CDH19: variants seen among roughly 807,000 people sequenced by gnomAD.
The protein encoded by CDH19 is cadherin-19.
CDH19 carries 67 observed loss-of-function variants against 64.2 expected under a neutral mutation model. The ratio of observed to expected loss-of-function variants is 1.04; its 90% CI spans 0.86 to 1.28. The LOEUF (loss-of-function observed/expected upper bound fraction) is 1.28. CDH19 is among the 50% of genes most tolerant of loss of function. The pLI, the probability that CDH19 is intolerant of heterozygous loss-of-function variation, is 0.00. For missense variants in CDH19, 1,030 were observed against 929.0 expected (o/e 1.11, Z -1.41); for synonymous variants, 346 against 319.3 (o/e 1.08, Z -0.89).
intron 7 of CDH19, among the ~76,000 whole-genome samples, chr18:66,541,731 G>T (rs527503686): frequency 6.6e-6 from 1 of 152,144 alleles, no homozygotes; most frequent in South Asian, 2.1e-4. Flanking sequence ...TCATTAAAAC[G>T]TGTTTTTTGA....
chr18:66,585,447 T>C (rs536767336), intron 1 of CDH19, among the ~76,000 whole-genome samples: 1 of 152,032 alleles, frequency 6.6e-6, no homozygotes, highest in African/African-American at 2.4e-5. Context: ...TTCCATCACC[T>C]TGGACGAATA....
intron 7 of CDH19, among the ~76,000 whole-genome samples, chr18:66,535,725 T>C (rs1262610097): frequency 6.8e-6 from 1 of 147,146 alleles, no homozygotes. Context: ...TTGTAATATT[T>C]AATACATATA....
At chr18:66,580,928 C>T (rs1268170838) in intron 1 of CDH19, among the ~76,000 whole-genome samples, 1 of 152,040 alleles carries the variant, frequency 6.6e-6, no homozygotes, top group African/African-American at 2.4e-5. Flanking sequence ...TGATTGAAGA[C>T]TGGTGGCAGC....
intron 9 of CDH19, among the ~76,000 whole-genome samples, chr18:66,525,469 A>T (rs556647828): frequency 6.6e-6 from 1 of 152,196 alleles, no homozygotes; most frequent in African/African-American, 2.4e-5. Flanking sequence ...TTTGGGAGGC[A>T]TATATTAATG....
chr18:66,559,157 G>A (rs1163629327), intron 3 of CDH19, among the ~76,000 whole-genome samples: 2 of 151,830 alleles, frequency 1.3e-5, no homozygotes, highest in African/African-American at 2.4e-5. Context: ...GGCCATATCT[G>A]TAACCTCTTG....
chr18:66,553,629 G>T (rs1375824052), intron 4 of CDH19, among the ~76,000 whole-genome samples: 1 of 132,988 alleles, frequency 7.5e-6, no homozygotes, highest in Non-Finnish European at 1.5e-5. Flanking sequence ...TTACTTCTTT[G>T]GCACTTCTCA....
At chr18:66,506,896 T>C (rs549422403) in intron 11 of CDH19, among the ~76,000 whole-genome samples, 2 of 152,090 alleles carry the variant, frequency 1.3e-5, no homozygotes, top group Admixed American at 1.3e-4. Context: ...TTTGCATTCA[T>C]GTATTGCACT....
At chr18:66,592,975 C>A (rs1988785544) in intron 1 of CDH19, among the ~76,000 whole-genome samples, 1 of 151,686 alleles carries the variant, frequency 6.6e-6, no homozygotes, top group Non-Finnish European at 1.5e-5. Flanking sequence ...TTTGGAGAAA[C>A]CTTCATACTG....
Position 66,524,564 on chromosome 18 carries a change from AT to A in CDH19, c.1458+5280del, listed in dbSNP as rs1568177996. ...TGTGTATATATATATATATATATAT[AT>A]ATATAAACATCATCATGCACCATAA... On this transcript the variant is annotated intron_variant, in intron 9 of 11. Transcript: ENST00000262150. Among the ~76,000 whole-genome samples, 95 of 142,946 alleles carry A rather than the reference AT, an allele frequency of 6.6e-4. 3 individuals carry two copies. Among genetic ancestry groups the A allele is most frequent in the Middle Eastern group, 7.5e-3 (2 of 266 alleles). 93.8% of individuals were successfully genotyped at this position (142,946 alleles called of 152,430 possible).
chr18:66,589,924 T>G (rs1197318516), intron 1 of CDH19, among the ~76,000 whole-genome samples: 5 of 151,956 alleles, frequency 3.3e-5, no homozygotes, highest in South Asian at 2.1e-4. Context: ...TATTTGACAA[T>G]AGCAGTAATT....
intron 9 of CDH19, among the ~76,000 whole-genome samples, chr18:66,517,005 T>G (rs559359153): frequency 6.6e-6 from 1 of 152,216 alleles, no homozygotes; most frequent in South Asian, 2.1e-4. Flanking sequence ...ATAATAATTT[T>G]CCTAGGGATA....
chr18:66,521,229 G>GAATTTCCC (rs1187855736), intron 9 of CDH19, among the ~76,000 whole-genome samples: 3 of 152,000 alleles, frequency 2.0e-5, no homozygotes, highest in Admixed American at 6.6e-5. Flanking sequence ...GCATATTGTG[G>GAATTTCCC]AAAATAATTT....
At chr18:66,585,923 G>C (rs1368701586) in intron 1 of CDH19, among the ~76,000 whole-genome samples, 1 of 151,972 alleles carries the variant, frequency 6.6e-6, no homozygotes, top group African/African-American at 2.4e-5. Context: ...GTGTGACTCA[G>C]AACAATTATA....
intron 9 of CDH19, among the ~76,000 whole-genome samples, chr18:66,528,755 A>G (rs1174464045): frequency 6.6e-6 from 1 of 152,116 alleles, no homozygotes; most frequent in East Asian, 1.9e-4. Context: ...ATAGTAGCTA[A>G]TTGATCAAAT....
intron 9 of CDH19, among the ~76,000 whole-genome samples, chr18:66,527,490 TG>T (rs1434476099): frequency 1.3e-5 from 2 of 152,086 alleles, no homozygotes; most frequent in Non-Finnish European, 2.9e-5. Flanking sequence ...CGCTTACGCC[TG>T]CAATCTTAGC....
At chr18:66,548,268 T>A (rs77223560) in intron 5 of CDH19, among the ~76,000 whole-genome samples, 5,419 of 146,004 alleles carry the variant, frequency 0.037, 115 homozygotes, top group Non-Finnish European at 0.044. Context: ...TATATTTTTT[T>A]AAAAATATAT....
At chr18:66,526,566 A>G (rs1302080744) in intron 9 of CDH19, among the ~76,000 whole-genome samples, 1 of 152,104 alleles carries the variant, frequency 6.6e-6, no homozygotes, top group East Asian at 1.9e-4. Flanking sequence ...TATATCTTCA[A>G]TGACTATGTG....
chr18:66,509,401 T>C (rs1261995763), intron 10 of CDH19, among the ~76,000 whole-genome samples, 155 bp from the exon 11 acceptor site: 1 of 151,862 alleles, frequency 6.6e-6, no homozygotes, highest in Non-Finnish European at 1.5e-5. Flanking sequence ...AACTAAAACA[T>C]CCACACTAAA....
chr18:66,594,657 A>T (rs755505566), intron 1 of CDH19, among the ~76,000 whole-genome samples: 4 of 151,906 alleles, frequency 2.6e-5, no homozygotes, highest in Admixed American at 6.6e-5. Context: ...CATATACACC[A>T]TGGAATACTA....
Sources: allele counts gnomAD v4.1 joint callset (sites outside exome capture counted in the v4.1 genomes callset), GRCh38; gene constraint gnomAD v4.1.1; transcripts MANE v1.5; gene names NCBI Gene and HGNC (gene_info 2026-07-23, HGNC 2026-07-21).